The following TRPM4 variants were observed in gnomAD, a reference collection of about 807,000 sequenced individuals.
The protein encoded by TRPM4 is calcium-activated non-selective cation channel 1.
Under a neutral mutation model 135.6 loss-of-function variants are expected in TRPM4, and 124 were observed. The ratio of observed to expected loss-of-function variants is 0.91; its 90% confidence interval spans 0.79 to 1.06. The LOEUF is 1.06. Ranked by LOEUF, TRPM4 falls within the 50% of genes least tolerant of loss-of-function variation. The probability of loss-of-function intolerance (pLI) is 0.00; values close to 1 mark genes in which losing one functional copy is unlikely to be tolerated. For synonymous variants in TRPM4, 745 were observed against 705.6 expected (o/e 1.06, Z -0.88); for missense variants, 1,658 against 1,671.4 (o/e 0.99, Z 0.14).
At chr19:49,176,811 ACT>A in intron 9 of TRPM4, among the ~76,000 whole-genome samples, 1 of 152,320 alleles carries the variant, frequency 6.6e-6, no homozygotes, top group Admixed American at 6.5e-5. Context: ...AGATCGTGCC[ACT>A]GCACTCCAGC....
intron 16 of TRPM4, among the ~76,000 whole-genome samples, chr19:49,191,056 A>G (rs572550099): frequency 1.3e-5 from 2 of 152,226 alleles, no homozygotes; most frequent in South Asian, 4.2e-4. Flanking sequence ...CAGAAGCAGG[A>G]GTAGGGGTGC....
intron 9 of TRPM4, among the ~76,000 whole-genome samples, chr19:49,180,428 C>CTGTGTGTGTGTGTGTG (rs71919979): frequency 7.6e-6 from 1 of 131,242 alleles, no homozygotes; most frequent in African/African-American, 2.9e-5. Flanking sequence ...TCATCATCTG[C>CTGTGTGTGTGTGTGTG]TGTGTGTGTG....
chr19:49,190,136 A>C, intron 14 of TRPM4, 72 bp from the exon 15 acceptor site: 1 of 1,305,746 alleles, frequency 7.7e-7, no homozygotes, highest in South Asian at 1.2e-5. Context: ...GCTGCAGTCC[A>C]ACCCTTGCTG....
At chr19:49,201,660 C>T (rs545376105) in intron 19 of TRPM4, among the ~76,000 whole-genome samples, 212 of 152,314 alleles carry the variant, frequency 1.4e-3, no homozygotes, top group South Asian at 4.8e-3. Flanking sequence ...TGCAATGGCA[C>T]GATCTCAGCT....
intron 20 of TRPM4, among the ~76,000 whole-genome samples, chr19:49,207,540 G>T (rs1021992358): frequency 7.4e-6 from 1 of 135,148 alleles, no homozygotes; most frequent in African/African-American, 3.6e-5. Context: ...TGAGGTGGGA[G>T]GAAGGCTTGA....
intron 20 of TRPM4, among the ~76,000 whole-genome samples, chr19:49,203,823 A>G (rs549842498): frequency 3.3e-5 from 5 of 152,266 alleles, no homozygotes; most frequent in Admixed American, 6.5e-5. Context: ...GTAATATTCT[A>G]TTGTACAAAT....
At position 49,183,091 on chromosome 19, in the gene TRPM4, C is replaced by T. The variant is rs1466930354; in HGVS notation, c.1622C>T (p.Ser541Leu). 4.3e-6 allele frequency: 7 copies of T among 1,612,634 alleles called. No homozygotes were observed. Among genetic ancestry groups the T allele is most frequent in the South Asian group, 2.2e-5 (2 of 91,010 alleles). Residue 541 changes from serine (S) to leucine (L), a missense_variant, in exon 12 of 25, where the codon TCG becomes TTG. Transcript: ENST00000252826. ...QGFGESMYLLSDKATSPLSLD... is the reference protein window; with the variant it reads ...QGFGESMYLLLDKATSPLSLD... ...TTTTGCTGGCAGATGTATCTGCTCTCGGACAAGGCCACCTCGCCGCTCTCG... is the reference window on the plus strand; with the variant it reads ...TTTTGCTGGCAGATGTATCTGCTCTTGGACAAGGCCACCTCGCCGCTCTCG...
chr19:49,161,080 TA>T lies in TRPM4; in HGVS notation c.92+2822del, dbSNP rs1366700491. Among the ~76,000 whole-genome samples, 6 of 151,884 alleles carry T rather than the reference TA, an allele frequency of 4.0e-5. No homozygotes were observed. The South Asian group carries it at 6.2e-4, about 16-fold the overall frequency. On this transcript the variant is annotated intron_variant, in intron 2 of 24. Coordinates refer to ENST00000252826, the MANE Select transcript of TRPM4 (RefSeq NM_017636.4). ...TGGGAATCTGTGCATATGAGCGGCC[TA>T]GGGGGACCGAGGGGCATGTGGGGAC... is the stretch of plus-strand genomic sequence containing the variant.
At chr19:49,203,585 C>G (rs1394831578) in intron 20 of TRPM4, among the ~76,000 whole-genome samples, 2 of 152,190 alleles carry the variant, frequency 1.3e-5, no homozygotes, top group Middle Eastern at 3.2e-3. Context: ...TCACCCAGAA[C>G]AGAAAGTGTG....
chr19:49,194,228 C>T (rs1426765766), intron 16 of TRPM4, among the ~76,000 whole-genome samples: 3 of 151,912 alleles, frequency 2.0e-5, no homozygotes, highest in Non-Finnish European at 4.4e-5. Context: ...TCCTGCTCCT[C>T]TGCCTTCTCT....
At chr19:49,208,503 C>G (rs766858493) in intron 20 of TRPM4, among the ~76,000 whole-genome samples, 2 of 151,250 alleles carry the variant, frequency 1.3e-5, no homozygotes, top group Non-Finnish European at 2.9e-5. Context: ...ACAGAAGGCT[C>G]ACACTCTGTC....
At chr19:49,158,522 A>G (rs1448132708) in intron 2 of TRPM4, 4 of 526,880 alleles carry the variant, frequency 7.6e-6, no homozygotes, top group East Asian at 3.2e-5. Context: ...TGTCTCTTCT[A>G]TGTGCTTCTG....
In TRPM4 at chr19:49,166,099, G is replaced by A; in HGVS notation, c.151G>A (p.Asp51Asn). The change falls in exon 3 of 25, where the codon GAT becomes AAT. Residue 51 changes from aspartate to asparagine, a missense_variant. By Grantham distance (23) the Asp-to-Asn change is conservative. This residue lies in a region of TRPM4 where 239 missense variants were observed against 240.1 expected (regional missense o/e 1.00). Coordinates refer to ENST00000252826, the MANE Select transcript of TRPM4 (RefSeq NM_017636.4). ...CGCCCACCCCGCAGTGGCCATGGAG[G>A]ATGCCTTCGGGGCAGCCGTGGTGAC... ...RTAHPAVAME[D>N]AFGAAVVTVW... The A allele has an allele frequency of 6.2e-7, 1 of 1,603,896 alleles. No homozygotes were observed. The highest frequency in any genetic ancestry group is 8.5e-7 in the Non-Finnish European group (1 of 1,176,284).
chr19:49,159,825 T>G (rs1250223954), intron 2 of TRPM4: 1 of 152,196 alleles, frequency 6.6e-6, no homozygotes, highest in Non-Finnish European at 1.5e-5. Flanking sequence ...GCGGGAAGTA[T>G]CCACATTCCT....
chr19:49,181,506 T>A (rs753528840), intron 10 of TRPM4, 45 bp downstream of exon 10: 9 of 1,245,698 alleles, frequency 7.2e-6, no homozygotes, highest in Admixed American at 5.3e-5. Context: ...ACAAAGGGAC[T>A]GTGCTGTCCT....
At chr19:49,160,017 T>C (rs918028207) in intron 2 of TRPM4, 1 of 152,184 alleles carries the variant, frequency 6.6e-6, no homozygotes, top group African/African-American at 2.4e-5. Flanking sequence ...ACGCAGAAGA[T>C]AATTATAGTA....
intron 3 of TRPM4, among the ~76,000 whole-genome samples, chr19:49,166,590 G>A (rs1309619972): frequency 7.9e-6 from 1 of 126,956 alleles, no homozygotes; most frequent in African/African-American, 3.0e-5. Flanking sequence ...CTGGGTCTCT[G>A]TCCCCCTCTC....
intron 1 of TRPM4, 62 bp downstream of exon 1, chr19:49,157,952 G>C: frequency 2.0e-6 from 3 of 1,513,940 alleles, no homozygotes; most frequent in Non-Finnish European, 2.7e-6. Context: ...CAGGCTCCCA[G>C]AGAGGAGGGC....
At position 49,200,718 on chromosome 19, in the gene TRPM4, C is replaced by A. The variant is rs373741538; in HGVS notation, c.2886C>A (p.Ile962=). ...LRPRDSDFPS[I]LRRVFYRPYL... is the part of the protein sequence containing the mutation. ...CACGGGACAGTGACTTCCCAAGTAT[C>A]CTGCGCCGCGTCTTCTACCGTCCCT... The change falls in exon 19 of 25, where the codon ATC becomes ATA. Residue 962 remains isoleucine, a synonymous_variant. Coordinates refer to ENST00000252826, the MANE Select transcript of TRPM4 (RefSeq NM_017636.4). 1.9e-6 allele frequency: 3 copies of A among 1,614,094 alleles called. No individual in the cohort carries two copies. The East Asian group carries it at 6.7e-5, about 36-fold the overall frequency.
Sources: allele counts gnomAD v4.1 joint callset (sites outside exome capture counted in the v4.1 genomes callset), GRCh38; gene constraint gnomAD v4.1.1; regional missense constraint gnomAD v4.1.1; transcripts MANE v1.5; gene names NCBI Gene and HGNC (gene_info 2026-07-23, HGNC 2026-07-21).